CPS1: variants seen among roughly 807,000 people sequenced by gnomAD.
The protein encoded by CPS1 is carbamoyl-phosphate synthase [ammonia], mitochondrial.
A neutral mutation model predicts 174.6 loss-of-function variants in CPS1; 109 were observed. That is an observed-to-expected ratio of 0.62 (90% CI 0.53 to 0.73). The LOEUF (loss-of-function observed/expected upper bound fraction) is 0.73. Among genes scored for constraint, CPS1 ranks in the 30% least tolerant of loss-of-function variants. CPS1 has a pLI of 0.00. For synonymous variants in CPS1, 637 were observed against 632.0 expected (o/e 1.01, Z -0.12); for missense variants, 1,689 against 1,821.9 (o/e 0.93, Z 1.33).
At chr2:210,663,338 T>A in intron 33 of CPS1, 141 bp downstream of exon 33, 1 of 796,258 alleles carries the variant, frequency 1.3e-6, no homozygotes, top group Non-Finnish European at 2.0e-6. Context: ...ATTTTGAATT[T>A]AAAAAATATT....
upstream of CPS1, among the ~76,000 whole-genome samples, chr2:210,554,226 T>C (rs1044740322): frequency 1.1e-4 from 16 of 143,142 alleles, no homozygotes; most frequent in Admixed American, 2.8e-4. Flanking sequence ...TACACACACA[T>C]ATATATATGT....
intron 4 of CPS1, among the ~76,000 whole-genome samples, chr2:210,579,262 CTGCCTGATGG>C (rs1697825955): frequency 6.6e-6 from 1 of 152,100 alleles, no homozygotes; most frequent in Non-Finnish European, 1.5e-5. Flanking sequence ...AATGGTGGTC[CTGCCTGATGG>C]ACTAACAGGA....
At chr2:210,544,919 C>G (rs1696523478) in intron 1 of CPS1, among the ~76,000 whole-genome samples, 1 of 151,436 alleles carries the variant, frequency 6.6e-6, no homozygotes, top group Non-Finnish European at 1.5e-5. Flanking sequence ...TCTCCTCATA[C>G]TAATTCTAAG....
intron 7 of CPS1, among the ~76,000 whole-genome samples, chr2:210,589,246 C>T (rs920694847): frequency 2.6e-5 from 4 of 152,022 alleles, no homozygotes; most frequent in Non-Finnish European, 5.9e-5. Context: ...ATGTCACTTC[C>T]TCTCTGTTTA....
chr2:210,516,647 A>G (rs1358876383), intron 1 of CPS1, among the ~76,000 whole-genome samples: 1 of 151,914 alleles, frequency 6.6e-6, no homozygotes, highest in Non-Finnish European at 1.5e-5. Flanking sequence ...TAAGCACATG[A>G]TGATTTGAAC....
chr2:210,555,502 C>G, upstream of CPS1: 1 of 381,678 alleles, frequency 2.6e-6, no homozygotes, highest in East Asian at 7.2e-5. Context: ...ACTGTTTGTA[C>G]TTGAATATAT....
chr2:210,509,297 A>G (rs1574478437), intron 1 of CPS1, among the ~76,000 whole-genome samples: 1 of 152,250 alleles, frequency 6.6e-6, no homozygotes, highest in African/African-American at 2.4e-5. Flanking sequence ...TTATCTCAAT[A>G]GATGCAGAAA....
At chr2:210,488,240 A>G (rs1694779283) in intron 1 of CPS1, among the ~76,000 whole-genome samples, 1 of 152,156 alleles carries the variant, frequency 6.6e-6, no homozygotes. Context: ...TCAGAACCGA[A>G]TCATACTTTT....
rs752311782 is a variant in CPS1, at chr2:210,677,032, C to T, written c.4300C>T (p.Leu1434=). The T allele has an allele frequency of 2.4e-5, 38 of 1,613,418 alleles. No homozygotes were observed. Among genetic ancestry groups the T allele is most frequent in the Non-Finnish European group, 3.2e-5 (38 of 1,179,562 alleles). The change falls in exon 37 of 38, where the codon CTA becomes TTA. Residue 1434 remains leucine (L), a synonymous_variant. Transcript: ENST00000233072. ...RKLIRDGSID[L]VINLPNNNTK... ...ATTGATTAGAGATGGCAGCATTGAC[C>T]TAGTGATTAACCTTCCCAACAACAA...
Position 210,668,275 on chromosome 2 carries a change from A to G in CPS1, c.4092A>G (p.Ile1364Met). ...AGATACCCCAGAAAGGCATCCTGAT[A>G]GGCATCCAGGTAAGTGGTTTGTGGC... ...GFKIPQKGIL[I>M]GIQQSFRPRF... The change falls in exon 34 of 38, where the codon ATA becomes ATG. Residue 1364 changes from isoleucine to methionine, a missense_variant. Physicochemically the swap from Ile to Met is conservative, Grantham distance 10. Transcript: ENST00000233072. 6.2e-7 allele frequency: 1 copy of G among 1,612,220 alleles called. No homozygotes were observed. Among genetic ancestry groups the G allele is most frequent in the Non-Finnish European group, 8.5e-7 (1 of 1,178,272 alleles).
At chr2:210,485,345 A>G (rs1425226160) in intron 1 of CPS1, among the ~76,000 whole-genome samples, 1 of 152,202 alleles carries the variant, frequency 6.6e-6, no homozygotes, top group Non-Finnish European at 1.5e-5. Flanking sequence ...GTATATACCC[A>G]TAAATCATCA....
intron 33 of CPS1, among the ~76,000 whole-genome samples, chr2:210,664,497 G>A (rs1326772100): frequency 6.6e-6 from 1 of 151,840 alleles, no homozygotes; most frequent in Non-Finnish European, 1.5e-5. Flanking sequence ...GCACCACCAC[G>A]CCCGGCTAAT....
chr2:210,583,232 C>A (rs1697988675), intron 6 of CPS1, among the ~76,000 whole-genome samples: 1 of 152,078 alleles, frequency 6.6e-6, no homozygotes, highest in South Asian at 2.1e-4. Flanking sequence ...AGTGAAATAT[C>A]TTTAGTATAC....
intron 21 of CPS1, among the ~76,000 whole-genome samples, chr2:210,623,496 A>G (rs1018124823): frequency 6.6e-6 from 1 of 152,058 alleles, no homozygotes; most frequent in Non-Finnish European, 1.5e-5. Context: ...TAGTCAATAT[A>G]GTTTTAAAAA....
At chr2:210,494,593 C>G (rs1265943430) in intron 1 of CPS1, among the ~76,000 whole-genome samples, 1 of 152,172 alleles carries the variant, frequency 6.6e-6, no homozygotes, top group Non-Finnish European at 1.5e-5. Flanking sequence ...CCTGTGTGAG[C>G]ACTTTCAGCT....
chr2:210,622,870 T>G (rs566277081), intron 21 of CPS1, among the ~76,000 whole-genome samples: 31 of 152,024 alleles, frequency 2.0e-4, no homozygotes, highest in African/African-American at 7.5e-4. Flanking sequence ...TGTTTTTAAT[T>G]TTTTTATTTC....
chr2:210,587,071 TA>T (rs1187125212), intron 6 of CPS1, among the ~76,000 whole-genome samples: 1 of 98,492 alleles, frequency 1.0e-5, no homozygotes, highest in African/African-American at 4.2e-5. Context: ...AGGATTAGGG[TA>T]TTTTTTTTTC....
At chr2:210,616,037 T>C (rs1699293674) in intron 20 of CPS1, among the ~76,000 whole-genome samples, 1 of 152,046 alleles carries the variant, frequency 6.6e-6, no homozygotes, top group African/African-American at 2.4e-5. Context: ...GAGATCATTA[T>C]ATTAATTCTA....
chr2:210,507,712 G>A (rs1695330157), intron 1 of CPS1, among the ~76,000 whole-genome samples: 2 of 151,640 alleles, frequency 1.3e-5, no homozygotes, highest in South Asian at 4.2e-4. Flanking sequence ...AACAAAAAAA[G>A]GCAGGGGTTG....
Sources: allele counts gnomAD v4.1 joint callset (sites outside exome capture counted in the v4.1 genomes callset), GRCh38; gene constraint gnomAD v4.1.1; transcripts MANE v1.5; gene names NCBI Gene and HGNC (gene_info 2026-07-23, HGNC 2026-07-21).